OR2L13: variants seen among roughly 807,000 people sequenced by gnomAD.
The protein encoded by OR2L13 is olfactory receptor 2L13.
A neutral mutation model predicts 15.3 loss-of-function variants in OR2L13; 14 were observed. The observed-to-expected ratio is 0.91, with a 90% CI of 0.60 to 1.43. OR2L13 has a LOEUF of 1.43. Among genes scored for constraint, OR2L13 ranks in the 40% most tolerant of loss-of-function variants. The probability of loss-of-function intolerance (pLI) is 0.00; values close to 1 mark genes in which losing one functional copy is unlikely to be tolerated. For synonymous variants in OR2L13, 152 were observed against 142.9 expected (o/e 1.06, Z -0.45); for missense variants, 367 against 387.9 (o/e 0.95, Z 0.45).
chr1:248,072,397 A>T, the OR2L13 span, among the ~76,000 whole-genome samples: 1,729 of 152,330 alleles, frequency 0.011, 22 homozygotes, highest in Middle Eastern at 0.02. Context: ...CTATTTAATA[A>T]ATGGTGCTGG....
the OR2L13 span, among the ~76,000 whole-genome samples, chr1:248,031,365 C>G: frequency 6.6e-6 from 1 of 152,200 alleles, no homozygotes; most frequent in Non-Finnish European, 1.5e-5. Context: ...CCCCTCAGCA[C>G]TTGTAAAGTC....
the OR2L13 span, chr1:248,003,651 A>G: frequency 1.4e-4 from 230 of 1,611,892 alleles, no homozygotes; most frequent in Non-Finnish European, 1.7e-4. Context: ...AGGGTTATCA[A>G]TCATTTCTTC....
exon 3 of OR2L13, chr1:248,099,457 T>C: frequency 6.2e-7 from 1 of 1,614,038 alleles, no homozygotes; most frequent in Non-Finnish European, 8.5e-7. Context: ...ATTTCTCTTG[T>C]GCCTTATCAT....
At chr1:248,083,844 C>T in the OR2L13 span, 1 of 1,612,848 alleles carries the variant, frequency 6.2e-7, no homozygotes, top group Non-Finnish European at 8.5e-7. Flanking sequence ...AATGGCAGCT[C>T]CATAAAAGAG....
the OR2L13 span, among the ~76,000 whole-genome samples, chr1:248,066,935 A>C: frequency 2.6e-5 from 4 of 152,220 alleles, no homozygotes; most frequent in Non-Finnish European, 4.4e-5. Flanking sequence ...ATACTGATTC[A>C]ATAGACTTTA....
At chr1:248,009,571 C>G in the OR2L13 span, among the ~76,000 whole-genome samples, 3 of 152,134 alleles carry the variant, frequency 2.0e-5, no homozygotes, top group Non-Finnish European at 4.4e-5. Context: ...CAGATGGATT[C>G]ACAGCCGAAT....
the OR2L13 span, among the ~76,000 whole-genome samples, chr1:248,017,647 G>C: frequency 6.6e-6 from 1 of 152,228 alleles, no homozygotes; most frequent in South Asian, 2.1e-4. Flanking sequence ...TGACATGCAG[G>C]GGGTGAGGAG....
the OR2L13 span, among the ~76,000 whole-genome samples, chr1:247,972,859 T>C: frequency 6.6e-6 from 1 of 152,166 alleles, no homozygotes; most frequent in African/African-American, 2.4e-5. Context: ...CCAATGAACA[T>C]TGATGTGAAA....
chr1:247,942,324 C>T, the OR2L13 span, among the ~76,000 whole-genome samples: 1 of 152,106 alleles, frequency 6.6e-6, no homozygotes, highest in Non-Finnish European at 1.5e-5. Context: ...TTAATTGCTT[C>T]TTTAGATATC....
At chr1:248,022,646 G>A in the OR2L13 span, 1 of 1,614,060 alleles carries the variant, frequency 6.2e-7, no homozygotes, top group Non-Finnish European at 8.5e-7. Flanking sequence ...CAGAAGGGAG[G>A]AAAAAGGCCT....
the OR2L13 span, among the ~76,000 whole-genome samples, chr1:247,957,155 C>CGGT: frequency 1.7e-5 from 2 of 119,808 alleles, no homozygotes; most frequent in Non-Finnish European, 3.9e-5. Flanking sequence ...TTAGCATGAA[C>CGGT]GTTGTTGAAT....
At chr1:248,040,550 T>C in the OR2L13 span, 1 of 152,234 alleles carries the variant, frequency 6.6e-6, no homozygotes, top group Non-Finnish European at 1.5e-5. Flanking sequence ...ACAACAATGA[T>C]GAAGAACTTT....
chr1:247,944,954 C>T, the OR2L13 span, among the ~76,000 whole-genome samples: 1 of 151,344 alleles, frequency 6.6e-6, no homozygotes, highest in African/African-American at 2.4e-5. Context: ...TTTTCAAAAA[C>T]CAGCTCCTGG....
chr1:248,051,727 T>TA, the OR2L13 span, among the ~76,000 whole-genome samples: 16 of 151,592 alleles, frequency 1.1e-4, no homozygotes, highest in South Asian at 6.2e-4. Flanking sequence ...ACTCCCTGAA[T>TA]AAAAAAAAAT....
At chr1:248,003,365 A>G in the OR2L13 span, 7 of 1,607,388 alleles carry the variant, frequency 4.4e-6, no homozygotes, top group Non-Finnish European at 6.0e-6. Context: ...CATTGTTCCT[A>G]AGATGGCATC....
chr1:248,001,988 A>G, the OR2L13 span, among the ~76,000 whole-genome samples: 4 of 152,200 alleles, frequency 2.6e-5, no homozygotes, highest in Non-Finnish European at 5.9e-5. Context: ...TACATGTTCT[A>G]CTTACCAATA....
At chr1:247,941,178 T>C in the OR2L13 span, among the ~76,000 whole-genome samples, 1 of 152,210 alleles carries the variant, frequency 6.6e-6, no homozygotes, top group Non-Finnish European at 1.5e-5. Context: ...TTGCAAATAT[T>C]ATTTCCTATT....
the OR2L13 span, chr1:247,965,848 A>T: frequency 1.2e-6 from 2 of 1,613,660 alleles, no homozygotes; most frequent in South Asian, 2.2e-5. Flanking sequence ...CAATGCTTTC[A>T]TACATACATT....
At chr1:248,082,541 C>T in the OR2L13 span, among the ~76,000 whole-genome samples, 2,758 of 152,136 alleles carry the variant, frequency 0.018, 91 homozygotes, top group African/African-American at 0.063. Flanking sequence ...GTGTGTTTTA[C>T]GTACAGGAAA....
Sources: gnomAD v4.1 joint callset for allele counts (sites outside exome capture counted in the v4.1 genomes callset) on GRCh38, gnomAD v4.1.1 for gene constraint, MANE v1.5 for transcripts, NCBI Gene and HGNC (gene_info 2026-07-23, HGNC 2026-07-21) for gene names.